Variants in GASK1B observed in about 807,000 individuals in gnomAD.
GASK1B encodes the protein Golgi-associated kinase 1B.
A neutral mutation model predicts 42.8 loss-of-function variants in GASK1B; 34 were observed. The observed-to-expected ratio is 0.79, with a 90% CI of 0.60 to 1.06. GASK1B has a LOEUF of 1.06. GASK1B is among the 50% of genes least tolerant of loss of function. The pLI is 0.00. For missense variants in GASK1B, 686 were observed against 661.0 expected (o/e 1.04, Z -0.42); for synonymous variants, 262 against 259.1 (o/e 1.01, Z -0.11).
In GASK1B at chr4:158,127,401, C is replaced by G. The variant is rs546145731; in HGVS notation, c.*6G>C. The G allele has an allele frequency of 6.2e-7, 1 of 1,609,982 alleles. No homozygotes were observed. The highest frequency in any genetic ancestry group is 1.3e-5 in the African/African-American group (1 of 74,814). On this transcript the variant is annotated 3_prime_UTR_variant, in exon 5 of 5. Coordinates refer to ENST00000585682, the MANE Select transcript of GASK1B (RefSeq NM_001128424.2). ...TATCTAACACCCTAGCCAGAAGATT[C>G]TTTTGTCATTCATTCATAGGTAATA...
intron 2 of GASK1B, among the ~76,000 whole-genome samples, chr4:158,166,859 G>A (rs1163596629): frequency 6.6e-6 from 1 of 151,990 alleles, no homozygotes; most frequent in Non-Finnish European, 1.5e-5. Context: ...ATGTACCTTA[G>A]GGCCCCCTAA....
At chr4:158,152,137 G>A (rs1028706825) in intron 3 of GASK1B, among the ~76,000 whole-genome samples, 5 of 152,132 alleles carry the variant, frequency 3.3e-5, no homozygotes, top group Non-Finnish European at 5.9e-5. Context: ...GGGTCTCTCA[G>A]GCCTTTGGCC....
intron 1 of GASK1B, chr4:158,172,140 T>C (rs549436489): frequency 6.6e-6 from 1 of 152,200 alleles, no homozygotes; most frequent in African/African-American, 2.4e-5. Context: ...TGGAAGCAGT[T>C]GCATTTATTC....
chr4:158,143,121 T>C (rs1249909612), intron 3 of GASK1B, among the ~76,000 whole-genome samples: 2 of 152,224 alleles, frequency 1.3e-5, no homozygotes, highest in Non-Finnish European at 2.9e-5. Flanking sequence ...TGTTTTATCT[T>C]CTAGTGATAC....
intron 3 of GASK1B, among the ~76,000 whole-genome samples, chr4:158,153,646 A>G (rs533947612): frequency 1.3e-5 from 2 of 152,332 alleles, no homozygotes; most frequent in South Asian, 2.1e-4. Flanking sequence ...TGATACTGGT[A>G]TAAAAACAGG....
Position 158,126,635 on chromosome 4 carries a change from T to C in GASK1B, c.*772A>G, listed in dbSNP as rs967048238. On this transcript the variant is annotated 3_prime_UTR_variant, in exon 5 of 5. Transcript: ENST00000585682. ...CTCTGTAAGTACATTTTCAGATAGG[T>C]AACTTCATACTTTAGAATTATTTAA... 2.6e-5 allele frequency: 4 copies of C among 152,110 alleles called. No homozygotes were observed. Among genetic ancestry groups the C allele is most frequent in the Non-Finnish European group, 5.9e-5 (4 of 68,002 alleles). 9.4% of individuals were successfully genotyped at this position (152,110 alleles called of 1,614,324 possible). A position where few individuals can be genotyped will look rare whatever the true frequency, so the allele number is the denominator to read the frequency against.
intron 3 of GASK1B, among the ~76,000 whole-genome samples, chr4:158,136,626 G>A (rs1336911461): frequency 6.6e-6 from 1 of 152,174 alleles, no homozygotes; most frequent in Non-Finnish European, 1.5e-5. Flanking sequence ...AGTTAAATTA[G>A]ATAAACTTCT....
At chr4:158,133,924 C>A (rs1730784518) in intron 3 of GASK1B, among the ~76,000 whole-genome samples, 1 of 152,060 alleles carries the variant, frequency 6.6e-6, no homozygotes, top group Non-Finnish European at 1.5e-5. Context: ...TGTGCGCGTG[C>A]ACGAACACTG....
chr4:158,163,380 C>T (rs1359217448), intron 2 of GASK1B, among the ~76,000 whole-genome samples: 4 of 152,122 alleles, frequency 2.6e-5, no homozygotes, highest in Non-Finnish European at 5.9e-5. Context: ...ACCAGCCTAG[C>T]CAACATGGTG....
chr4:158,140,692 G>GCCAATC (rs1731080765), intron 3 of GASK1B, among the ~76,000 whole-genome samples: 1 of 152,174 alleles, frequency 6.6e-6, no homozygotes, highest in Non-Finnish European at 1.5e-5. Context: ...TAGTGAAGAA[G>GCCAATC]CCAATCCCAA....
chr4:158,160,306 A>G (rs1005261143), intron 2 of GASK1B, among the ~76,000 whole-genome samples: 1 of 152,184 alleles, frequency 6.6e-6, no homozygotes, highest in Non-Finnish European at 1.5e-5. Context: ...GTGGGGAGGT[A>G]GGAGTCTGTA....
rs187063393 is a variant in GASK1B at position 158,153,765 on chromosome 4, C to T, written c.1125+1846G>A. Among the ~76,000 whole-genome samples, 89 of 152,236 alleles carry T rather than the reference C, an allele frequency of 5.8e-4. No individual in the cohort carries two copies. In the East Asian group the frequency reaches 0.015, roughly 26 times the overall value. On this transcript the variant is annotated intron_variant, in intron 3 of 4. Transcript: ENST00000585682. Reference sequence around the variant, plus strand: ...AAACATAAAGTGGGTAAAGGACACCCTATTCAACAAATGGTGTTGGGATAA... The same window carrying T: ...AAACATAAAGTGGGTAAAGGACACCTTATTCAACAAATGGTGTTGGGATAA...
intron 1 of GASK1B, chr4:158,172,406 G>A (rs1037796814): frequency 6.6e-6 from 1 of 152,162 alleles, no homozygotes; most frequent in African/African-American, 2.4e-5. Flanking sequence ...AACTTTTAAA[G>A]GCTGAGGCAT....
At position 158,170,727 on chromosome 4, in the gene GASK1B, T is replaced by C. The variant is rs1732465413; in HGVS notation, c.649A>G (p.Ser217Gly). 1 of 1,614,228 alleles carries C rather than the reference T, an allele frequency of 6.2e-7. No homozygotes were observed. The highest frequency in any genetic ancestry group is 8.5e-7 in the Non-Finnish European group (1 of 1,180,044). Residue 217 changes from serine to glycine, a missense_variant, in exon 2 of 5, where the codon AGC becomes GGC. Physicochemically the swap from Ser to Gly is moderately conservative, Grantham distance 56. Transcript: ENST00000585682. ...IYSESAPSWL[S>G]KDDIRRMRLL... ...CGCATTCTTCGGATGTCATCTTTGC[T>C]CAGCCAGGAGGGGGCGCTCTCGCTG...
chr4:158,168,172 T>A (rs1732301340), intron 2 of GASK1B, among the ~76,000 whole-genome samples: 2 of 152,300 alleles, frequency 1.3e-5, no homozygotes, highest in African/African-American at 4.8e-5. Flanking sequence ...ATCTTAGGGA[T>A]TTTATTTATT....
intron 2 of GASK1B, among the ~76,000 whole-genome samples, chr4:158,157,063 A>G (rs777371254): frequency 1.7e-4 from 26 of 152,226 alleles, no homozygotes; most frequent in African/African-American, 6.3e-4. Flanking sequence ...CACAGGAAAC[A>G]GTCCCCCTCT....
At chr4:158,163,639 A>T (rs549581983) in intron 2 of GASK1B, among the ~76,000 whole-genome samples, 36 of 152,164 alleles carry the variant, frequency 2.4e-4, no homozygotes, top group African/African-American at 7.5e-4. Flanking sequence ...AACTCATTTC[A>T]TTCTCATGAC....
At chr4:158,151,434 C>T (rs1731554195) in intron 3 of GASK1B, among the ~76,000 whole-genome samples, 1 of 152,202 alleles carries the variant, frequency 6.6e-6, no homozygotes, top group Non-Finnish European at 1.5e-5. Flanking sequence ...GTTGTAAGAA[C>T]TTGAGTGAGA....
intron 4 of GASK1B, among the ~76,000 whole-genome samples, chr4:158,129,493 C>T: frequency 6.6e-6 from 1 of 152,192 alleles, no homozygotes; most frequent in Non-Finnish European, 1.5e-5. Flanking sequence ...ATAAAACTCT[C>T]ATAGCAACAG....
Sources: gnomAD v4.1 joint callset for allele counts (sites outside exome capture counted in the v4.1 genomes callset) on GRCh38, gnomAD v4.1.1 for gene constraint, MANE v1.5 for transcripts, NCBI Gene and HGNC (gene_info 2026-07-23, HGNC 2026-07-21) for gene names.